PDZRN3: variants seen among roughly 807,000 people sequenced by gnomAD.
The protein encoded by PDZRN3 is PDZ domain containing ring finger 3.
Under a neutral mutation model 85.7 loss-of-function variants are expected in PDZRN3, and 38 were observed. The observed-to-expected ratio is 0.44, with a 90% CI of 0.34 to 0.58. PDZRN3 has a LOEUF of 0.58. PDZRN3 is among the 20% of genes least tolerant of loss of function. The pLI is 0.01. For synonymous variants in PDZRN3, 759 were observed against 638.0 expected (o/e 1.19, Z -2.86); for missense variants, 1,629 against 1,506.4 (o/e 1.08, Z -1.35).
At chr3:73,402,025 T>A (rs1447364800) in intron 4 of PDZRN3, 1 of 152,236 alleles carries the variant, frequency 6.6e-6, no homozygotes, top group Non-Finnish European at 1.5e-5. Context: ...GGGCTTTTAG[T>A]ACTGAGGATA....
intron 3 of PDZRN3, among the ~76,000 whole-genome samples, chr3:73,584,452 G>GGTGT (rs56393203): frequency 0.014 from 1,187 of 83,926 alleles, 6 homozygotes; most frequent in Non-Finnish European, 0.021. Context: ...TTCATTTAAT[G>GGTGT]GTGTGTGTGT....
chr3:73,383,718 T>G lies in PDZRN3; in HGVS notation c.2848A>C (p.Ile950Leu). Residue 950 changes from isoleucine to leucine, a missense_variant, in exon 10 of 10, where the codon ATC (isoleucine) becomes CTC (leucine). Transcript: ENST00000263666. ...DRLLRERALK[I>L]REERSGMTTD... Reference sequence around the variant, plus strand: ...GTCATGCCGCTGCGCTCTTCCCGGATCTTCAGGGCGCGCTCCCGCAGCAGG... The same window carrying G: ...GTCATGCCGCTGCGCTCTTCCCGGAGCTTCAGGGCGCGCTCCCGCAGCAGG... 4 of 1,611,800 alleles carry G rather than the reference T, an allele frequency of 2.5e-6. No individual in the cohort carries two copies. The highest frequency in any genetic ancestry group is 3.4e-6 in the Non-Finnish European group (4 of 1,180,004).
chr3:73,530,704 G>A (rs1418442600), intron 3 of PDZRN3, among the ~76,000 whole-genome samples: 1 of 152,104 alleles, frequency 6.6e-6, no homozygotes, highest in African/African-American at 2.4e-5. Flanking sequence ...ATTTCTTAGA[G>A]AGAAAATCAG....
At chr3:73,405,501 T>TTAAG (rs1701834812) in intron 3 of PDZRN3, among the ~76,000 whole-genome samples, 1 of 152,214 alleles carries the variant, frequency 6.6e-6, no homozygotes, top group Non-Finnish European at 1.5e-5. Flanking sequence ...ATAGTATTCC[T>TTAAG]CAAGTGGTTT....
At chr3:73,554,937 C>A (rs1701656617) in intron 3 of PDZRN3, among the ~76,000 whole-genome samples, 1 of 152,106 alleles carries the variant, frequency 6.6e-6, no homozygotes, top group South Asian at 2.1e-4. Context: ...TACATTTTTC[C>A]ACATGATAAG....
intron 3 of PDZRN3, among the ~76,000 whole-genome samples, chr3:73,546,411 T>C (rs1033265789): frequency 6.6e-6 from 1 of 152,206 alleles, no homozygotes; most frequent in African/African-American, 2.4e-5. Flanking sequence ...GAAAGTACTT[T>C]TGGGATGGAC....
At chr3:73,426,462 A>G (rs545608991) in intron 3 of PDZRN3, among the ~76,000 whole-genome samples, 75 of 152,334 alleles carry the variant, frequency 4.9e-4, no homozygotes, top group African/African-American at 1.7e-3. Flanking sequence ...TCAATTTTCT[A>G]CTTGTAAACT....
At chr3:73,472,064 G>A (rs909683524) in intron 3 of PDZRN3, among the ~76,000 whole-genome samples, 2 of 149,950 alleles carry the variant, frequency 1.3e-5, no homozygotes, top group African/African-American at 5.1e-5. Flanking sequence ...ATACTGTTGT[G>A]GAGAGAAATC....
At chr3:73,545,443 G>GA (rs1170072798) in intron 3 of PDZRN3, among the ~76,000 whole-genome samples, 1 of 151,976 alleles carries the variant, frequency 6.6e-6, no homozygotes, top group African/African-American at 2.4e-5. Context: ...AGCTACGTAA[G>GA]AAAAAAAATG....
At chr3:73,593,039 A>T (rs1230821900) in intron 3 of PDZRN3, among the ~76,000 whole-genome samples, 1 of 152,118 alleles carries the variant, frequency 6.6e-6, no homozygotes, top group Non-Finnish European at 1.5e-5. Context: ...ATTGAATAAA[A>T]ATGCATCTGG....
chr3:73,595,367 TC>T (rs1028879017), intron 3 of PDZRN3, among the ~76,000 whole-genome samples: 8 of 152,222 alleles, frequency 5.3e-5, no homozygotes, highest in African/African-American at 1.9e-4. Context: ...TTCATACTCC[TC>T]TGCTGAATAT....
chr3:73,461,511 T>C (rs1326460165), intron 3 of PDZRN3, among the ~76,000 whole-genome samples: 1 of 152,226 alleles, frequency 6.6e-6, no homozygotes, highest in Non-Finnish European at 1.5e-5. Context: ...ACAAATGTGT[T>C]TTGTTAAAAA....
At chr3:73,553,311 C>T (rs560887922) in intron 3 of PDZRN3, among the ~76,000 whole-genome samples, 1 of 152,226 alleles carries the variant, frequency 6.6e-6, no homozygotes, top group Non-Finnish European at 1.5e-5. Flanking sequence ...TGGTGGCTCA[C>T]ACCTGTAATC....
intron 3 of PDZRN3, among the ~76,000 whole-genome samples, chr3:73,494,794 T>G (rs931603694): frequency 6.6e-6 from 1 of 152,236 alleles, no homozygotes; most frequent in Admixed American, 6.5e-5. Context: ...AGAGCACACA[T>G]AATTTTTTAG....
chr3:73,590,898 T>G (rs1485792204), intron 3 of PDZRN3, among the ~76,000 whole-genome samples: 11 of 152,214 alleles, frequency 7.2e-5, no homozygotes, highest in Non-Finnish European at 1.5e-4. Flanking sequence ...GTTCTCCCTC[T>G]TCATTTAAAC....
chr3:73,590,620 ATGT>A lies in PDZRN3; in HGVS notation c.918+11731_918+11733del, dbSNP rs541022838. ...TTCAAATTTACCTTGTAAAATTAAGATGTTGTTCTGTTGAGAGTATTAAAAAGT... is the reference window on the plus strand; with the variant it reads ...TTCAAATTTACCTTGTAAAATTAAGATGTTCTGTTGAGAGTATTAAAAAGT... On this transcript the variant is annotated intron_variant, in intron 3 of 9. Coordinates refer to ENST00000263666, the MANE Select transcript of PDZRN3 (RefSeq NM_015009.3). Among the ~76,000 whole-genome samples the A allele has an allele frequency of 5.8e-3, 881 of 152,326 alleles. 4 individuals are homozygous for A. The highest frequency in any genetic ancestry group is 0.031 in the Middle Eastern group (9 of 294).
chr3:73,447,267 T>C (rs1322865621), intron 3 of PDZRN3, among the ~76,000 whole-genome samples: 1 of 151,888 alleles, frequency 6.6e-6, no homozygotes, highest in Non-Finnish European at 1.5e-5. Context: ...GTGCAGGAAA[T>C]CGAAGCCTCG....
chr3:73,623,987 A>C, intron 1 of PDZRN3, 116 bp downstream of exon 1: 1 of 1,032,316 alleles, frequency 9.7e-7, no homozygotes, highest in East Asian at 3.3e-5. Context: ...AAGAAGAGGG[A>C]GGAAGCAAGG....
At chr3:73,568,597 G>C (rs752126806) in intron 3 of PDZRN3, among the ~76,000 whole-genome samples, 1 of 152,106 alleles carries the variant, frequency 6.6e-6, no homozygotes, top group Admixed American at 6.5e-5. Flanking sequence ...CAAATATCAC[G>C]CATGTGAGAC....
Sources: allele counts gnomAD v4.1 joint callset (sites outside exome capture counted in the v4.1 genomes callset), GRCh38; gene constraint gnomAD v4.1.1; transcripts MANE v1.5; gene names NCBI Gene and HGNC (gene_info 2026-07-23, HGNC 2026-07-21).